The following TTC23 variants were observed in gnomAD, a reference collection of about 807,000 sequenced individuals.
TTC23 encodes the protein tetratricopeptide repeat domain 23.
In TTC23, 58 loss-of-function variants were observed where a neutral mutation model predicts 55.1. The ratio of observed to expected loss-of-function variants is 1.05; its 90% CI spans 0.85 to 1.31. The LOEUF (loss-of-function observed/expected upper bound fraction) is 1.31. TTC23 is among the 50% of genes most tolerant of loss of function. TTC23 has a pLI of 0.00. For synonymous variants in TTC23, 203 were observed against 199.9 expected (o/e 1.02, Z -0.13); for missense variants, 516 against 534.4 (o/e 0.97, Z 0.34).
rs763474814 is a variant in TTC23 at position 99,175,063 on chromosome 15, T to G, written c.852A>C (p.Arg284Ser). ...GATTCTTCTCACCATGGTGCTCGTG[T>G]CTCCCTGAAGCGACAGCAGCATGGG... ...IVAHAAVASG[R>S]HEHHDVAEQY... Residue 284 changes from arginine to serine, a missense_variant, in exon 10 of 14, where the codon AGA becomes AGC. Physicochemically the swap from Arg to Ser is moderately radical, Grantham distance 110 (BLOSUM62 -1). Coordinates refer to ENST00000394132, the MANE Select transcript of TTC23 (RefSeq NM_001288615.3). 3.1e-6 allele frequency: 5 copies of G among 1,613,820 alleles called. No homozygotes were observed. Among genetic ancestry groups the G allele is most frequent in the Admixed American group, 3.3e-5 (2 of 59,988 alleles).
chr15:99,149,867 T>G (rs560803736), intron 12 of TTC23, among the ~76,000 whole-genome samples: 1 of 152,338 alleles, frequency 6.6e-6, no homozygotes, highest in East Asian at 1.9e-4. Flanking sequence ...AGTGACAGTG[T>G]GAAGGTCTGT....
At chr15:99,182,246 TCTCACACA>T (rs1235374589) in intron 9 of TTC23, among the ~76,000 whole-genome samples, 1,778 of 112,644 alleles carry the variant, frequency 0.016, 33 homozygotes, top group African/African-American at 0.055. Context: ...TCTCTCTCTC[TCTCACACA>T]CACACACACA....
In TTC23 at chr15:99,137,825, G is replaced by A. The variant is rs1596152274; in HGVS notation, c.*185C>T. 8 of 890,384 alleles carry A rather than the reference G, an allele frequency of 9.0e-6. No homozygotes were observed. In the East Asian group the frequency reaches 2.1e-4, roughly 24 times the overall value. The allele number at this position is 890,384 out of a possible 1,614,324, so 55.2% of individuals were successfully genotyped here. On this transcript the variant is annotated 3_prime_UTR_variant, in exon 14 of 14. Transcript: ENST00000394132. Reference sequence around the variant, plus strand: ...TTTATAGCATATATCACCCTGAAGGGCATCCACTGTCAAAATGTGGCCCAC... The same window carrying A: ...TTTATAGCATATATCACCCTGAAGGACATCCACTGTCAAAATGTGGCCCAC...
chr15:99,222,811 C>T (rs1432070160), intron 5 of TTC23, among the ~76,000 whole-genome samples: 4 of 152,130 alleles, frequency 2.6e-5, no homozygotes, highest in African/African-American at 9.7e-5. Context: ...TCCTGGCTAA[C>T]ATGGTGAAAC....
chr15:99,158,537 G>C (rs1434936877), intron 11 of TTC23: 1 of 152,410 alleles, frequency 6.6e-6, no homozygotes, highest in Admixed American at 6.5e-5. Flanking sequence ...AGAGGGTATG[G>C]GCCACTGGGA....
chr15:99,242,063 C>T (rs1330866983), intron 2 of TTC23, among the ~76,000 whole-genome samples: 1 of 149,994 alleles, frequency 6.7e-6, no homozygotes, highest in Non-Finnish European at 1.5e-5. Context: ...GCCCAGGAGG[C>T]GGAGGCTACA....
chr15:99,199,186 ACT>A (rs1411702215), intron 9 of TTC23, among the ~76,000 whole-genome samples: 1 of 151,818 alleles, frequency 6.6e-6, no homozygotes, highest in Non-Finnish European at 1.5e-5. Context: ...TCTAGAAGAA[ACT>A]CTGCTTCAAG....
chr15:99,244,506 A>T (rs1236299316), intron 2 of TTC23, among the ~76,000 whole-genome samples: 1 of 152,222 alleles, frequency 6.6e-6, no homozygotes, highest in African/African-American at 2.4e-5. Context: ...GTCAGCAATA[A>T]ATAATCTGAA....
At position 99,138,249 on chromosome 15, in the gene TTC23, T is replaced by C. The variant is rs537791385; in HGVS notation, c.1227-122A>G. On this transcript the variant is annotated intron_variant, in intron 13 of 13. Coordinates refer to ENST00000394132, the MANE Select transcript of TTC23 (RefSeq NM_001288615.3). ...TTATGAGAAGACTTGGTAGGGGCTA[T>C]AAATGAGAGGAGAATTGTAGCACAG... is the stretch of plus-strand genomic sequence containing the variant. The C allele has an allele frequency of 7.0e-6, 8 of 1,136,854 alleles. No individual in the cohort carries two copies. The East Asian group carries it at 1.5e-4, about 21-fold the overall frequency. 70.4% of individuals were successfully genotyped at this position (1,136,854 alleles called of 1,614,324 possible).
At chr15:99,244,432 C>A (rs531687175) in intron 2 of TTC23, among the ~76,000 whole-genome samples, 2 of 151,846 alleles carry the variant, frequency 1.3e-5, no homozygotes, top group Non-Finnish European at 2.9e-5. Context: ...CCAATTAGAA[C>A]GACTAAATAA....
chr15:99,161,072 G>A (rs1474217819), intron 11 of TTC23: 4 of 150,660 alleles, frequency 2.7e-5, no homozygotes, highest in Non-Finnish European at 5.9e-5. Context: ...ACTTAGGTGC[G>A]CTGAGAAGAG....
At chr15:99,141,224 T>A (rs1555490266) in intron 12 of TTC23, among the ~76,000 whole-genome samples, 1 of 152,210 alleles carries the variant, frequency 6.6e-6, no homozygotes, top group African/African-American at 2.4e-5. Context: ...TATATGTATG[T>A]GATATATAAA....
chr15:99,137,961 C>G lies in TTC23; in HGVS notation c.*49G>C. The G allele has an allele frequency of 6.2e-7, 1 of 1,611,890 alleles. No individual in the cohort carries two copies. The highest frequency in any genetic ancestry group is 8.5e-7 in the Non-Finnish European group (1 of 1,178,594). ...AGGCGGAGGTGATTTGTACAGCACCCTAAATGACAGTGCCCAGGAATGTCC... is the reference window on the plus strand; with the variant it reads ...AGGCGGAGGTGATTTGTACAGCACCGTAAATGACAGTGCCCAGGAATGTCC... On this transcript the variant is annotated 3_prime_UTR_variant, in exon 14 of 14. Coordinates refer to ENST00000394132, the MANE Select transcript of TTC23 (RefSeq NM_001288615.3).
At chr15:99,224,668 A>G (rs970126357) in intron 5 of TTC23, among the ~76,000 whole-genome samples, 1 of 152,212 alleles carries the variant, frequency 6.6e-6, no homozygotes, top group African/African-American at 2.4e-5. Context: ...AGGATATGCA[A>G]AATTCTGAGG....
intron 12 of TTC23, among the ~76,000 whole-genome samples, chr15:99,145,682 G>T (rs200386000): frequency 6.6e-6 from 1 of 152,052 alleles, no homozygotes; most frequent in East Asian, 1.9e-4. Flanking sequence ...CTCTCTCTCT[G>T]TCTCTGTCTC....
intron 1 of TTC23, among the ~76,000 whole-genome samples, chr15:99,248,630 C>T (rs866567530): frequency 1.8e-4 from 27 of 152,138 alleles, no homozygotes; most frequent in African/African-American, 9.7e-5. Context: ...AACAGTCATC[C>T]GGGCATTAAG....
At chr15:99,144,724 G>C (rs1238888141) in intron 12 of TTC23, 10 of 152,192 alleles carry the variant, frequency 6.6e-5, no homozygotes, top group Admixed American at 6.5e-4. Context: ...AGCCAGGCTC[G>C]TCAAGCTATT....
Position 99,156,228 on chromosome 15 carries a change from C to T in TTC23, c.1063G>A (p.Val355Met). The T allele has an allele frequency of 6.2e-7, 1 of 1,614,264 alleles. No individual in the cohort carries two copies. The highest frequency in any genetic ancestry group is 1.1e-5 in the South Asian group (1 of 91,090). ...CCCAGGAGCCGGTATGTCTCTGCCA[C>T]CTCGGGACTGAAATCGCCAAATGCT... ...VEAFGDFSPE[V>M]AETYRLLGGA... The change falls in exon 12 of 14, where the codon GTG becomes ATG. Residue 355 changes from valine (V) to methionine (M), a missense_variant. By Grantham distance (21) the Val-to-Met change is conservative. Transcript: ENST00000394132.
chr15:99,156,425 G>A, intron 11 of TTC23, 128 bp from the exon 12 acceptor site: 1 of 1,096,724 alleles, frequency 9.1e-7, no homozygotes, highest in South Asian at 1.5e-5. Context: ...TCTTGTATTA[G>A]TCCATTCTCA....
Sources: allele counts gnomAD v4.1 joint callset (sites outside exome capture counted in the v4.1 genomes callset), GRCh38; gene constraint gnomAD v4.1.1; transcripts MANE v1.5; gene names NCBI Gene and HGNC (gene_info 2026-07-23, HGNC 2026-07-21).